Variants in CHST8 observed in about 807,000 individuals in gnomAD.
CHST8 encodes the protein GALNAC-4-ST1.
A neutral mutation model predicts 15.0 loss-of-function variants in CHST8; 10 were observed. The observed-to-expected ratio is 0.67, with a 90% confidence interval of 0.41 to 1.13. CHST8 has a LOEUF of 1.13. Among genes scored for constraint, CHST8 ranks in the 50% most tolerant of loss-of-function variants. CHST8 has a pLI of 0.00. For missense variants in CHST8, 634 were observed against 608.2 expected (o/e 1.04, Z -0.45); for synonymous variants, 259 against 256.6 (o/e 1.01, Z -0.09).
intron 3 of CHST8, among the ~76,000 whole-genome samples, chr19:33,748,963 C>T (rs1974363128): frequency 6.6e-6 from 1 of 152,118 alleles, no homozygotes; most frequent in African/African-American, 2.4e-5. Flanking sequence ...TGGGAAGCTC[C>T]CACCCAACAG....
At position 33,772,747 on chromosome 19, in the gene CHST8, G is replaced by T; in HGVS notation, c.959G>T (p.Arg320Leu). 6.2e-7 allele frequency: 1 copy of T among 1,613,404 alleles called. No homozygotes were observed. Among genetic ancestry groups the T allele is most frequent in the Non-Finnish European group, 8.5e-7 (1 of 1,180,018 alleles). ...GTCCAGTACCTGCTGGACGTGCACCGGCCCGTGGGGATGGACATTCACTGG... is the reference window on the plus strand; with the variant it reads ...GTCCAGTACCTGCTGGACGTGCACCTGCCCGTGGGGATGGACATTCACTGG... Reference protein sequence around the residue: ...EFVQYLLDVHRPVGMDIHWDH... With the variant: ...EFVQYLLDVHLPVGMDIHWDH... Residue 320 changes from arginine (R) to leucine (L), a missense_variant, in exon 5 of 5, where the codon CGG becomes CTG. Coordinates refer to ENST00000650847, the MANE Select transcript of CHST8 (RefSeq NM_001127895.2).
intron 2 of CHST8, among the ~76,000 whole-genome samples, chr19:33,687,144 G>A (rs982362600): frequency 1.5e-4 from 23 of 152,256 alleles, no homozygotes; most frequent in African/African-American, 5.1e-4. Flanking sequence ...GGCTGGCCCC[G>A]GTGGGGCTGG....
chr19:33,756,085 G>A (rs116888426), intron 3 of CHST8, among the ~76,000 whole-genome samples: 3,230 of 152,288 alleles, frequency 0.021, 54 homozygotes, highest in East Asian at 0.028. Flanking sequence ...CACCCCCAAA[G>A]TGCTGGAGAG....
Position 33,757,412 on chromosome 19 carries a change from AAGAAAGAAAG to A in CHST8, c.131-13999_131-13990del, listed in dbSNP as rs1974574052. Among the ~76,000 whole-genome samples, 2 of 6,868 alleles carry A rather than the reference AAGAAAGAAAG, an allele frequency of 2.9e-4. 1 individual carries two copies. Among genetic ancestry groups the A allele is most frequent in the Non-Finnish European group, 6.7e-4 (2 of 3,002 alleles). The allele number at this position is 6,868 out of a possible 152,430, so 4.5% of individuals were successfully genotyped here. ...GAAGAAAGAAAGAAAGAAAGAAAGA[AAGAAAGAAAG>A]AAAGAAAGAAAGAAAGAAAGAAAGA... On this transcript the variant is annotated intron_variant, in intron 3 of 4. Coordinates refer to ENST00000650847, the MANE Select transcript of CHST8 (RefSeq NM_001127895.2).
chr19:33,689,610 G>A (rs1012442888), intron 3 of CHST8, among the ~76,000 whole-genome samples: 1 of 152,262 alleles, frequency 6.6e-6, no homozygotes, highest in Admixed American at 6.5e-5. Flanking sequence ...TAGCAGCAGG[G>A]TGGCCCCTTT....
chr19:33,634,396 C>T (rs748185138), intron 1 of CHST8, among the ~76,000 whole-genome samples: 7 of 152,112 alleles, frequency 4.6e-5, no homozygotes, highest in Non-Finnish European at 8.8e-5. Context: ...CCTTTCGTCC[C>T]CAAATTGTAG....
chr19:33,671,766 A>G (rs1171653370), intron 2 of CHST8, among the ~76,000 whole-genome samples: 1 of 151,694 alleles, frequency 6.6e-6, no homozygotes, highest in Non-Finnish European at 1.5e-5. Context: ...AAGGTTATAT[A>G]TAATCTGCCT....
At chr19:33,699,123 C>T (rs1973280723) in intron 3 of CHST8, among the ~76,000 whole-genome samples, 1 of 152,196 alleles carries the variant, frequency 6.6e-6, no homozygotes, top group African/African-American at 2.4e-5. Context: ...ATGGGACCTC[C>T]ATGCCTGGGT....
intron 3 of CHST8, among the ~76,000 whole-genome samples, chr19:33,739,265 C>A (rs374872496): frequency 2.0e-5 from 3 of 152,136 alleles, no homozygotes; most frequent in Non-Finnish European, 2.9e-5. Flanking sequence ...CCTCTCTCCC[C>A]CCTCCTCCAC....
At chr19:33,726,703 C>T (rs1264510117) in intron 3 of CHST8, among the ~76,000 whole-genome samples, 3 of 152,118 alleles carry the variant, frequency 2.0e-5, no homozygotes. Context: ...CAGTGCTGAA[C>T]TCCAGACATG....
chr19:33,765,315 C>T (rs1219851503), intron 3 of CHST8, among the ~76,000 whole-genome samples: 2 of 151,906 alleles, frequency 1.3e-5, no homozygotes, highest in Non-Finnish European at 2.9e-5. Context: ...GGGAGTGTGA[C>T]CCTGCTGGCA....
Position 33,695,825 on chromosome 19 carries a change from T to C in CHST8, c.130+6434T>C, listed in dbSNP as rs199942644. Among the ~76,000 whole-genome samples the C allele has an allele frequency of 3.7e-3, 281 of 75,870 alleles. 3 individuals carry two copies. The highest frequency in any genetic ancestry group is 0.028 in the East Asian group (77 of 2,704). The allele number at this position is 75,870 out of a possible 152,430, so 49.8% of individuals were successfully genotyped here. A position where few individuals can be genotyped will look rare whatever the true frequency, so the allele number is the denominator to read the frequency against. On this transcript the variant is annotated intron_variant, in intron 3 of 4. Transcript: ENST00000650847. ...TTTTTCTTTCTTTCTTTCTTTCTTT[T>C]TTTTTTTTTTTTTTTTTGAGACAGA...
At chr19:33,646,651 C>T (rs141575826) in intron 1 of CHST8, among the ~76,000 whole-genome samples, 53 of 152,314 alleles carry the variant, frequency 3.5e-4, no homozygotes, top group Non-Finnish European at 6.2e-4. Flanking sequence ...CAGTGGCTCA[C>T]GCCTGTTATC....
chr19:33,637,099 G>A (rs573080752), intron 1 of CHST8, among the ~76,000 whole-genome samples: 103 of 152,306 alleles, frequency 6.8e-4, no homozygotes, highest in African/African-American at 2.4e-3. Context: ...CTGTCATGGT[G>A]CTTGCGGGAT....
intron 2 of CHST8, among the ~76,000 whole-genome samples, chr19:33,669,334 AATG>A (rs777845110): frequency 5.7e-4 from 87 of 152,286 alleles, no homozygotes; most frequent in Non-Finnish European, 3.7e-4. Flanking sequence ...TGTAGCTGAA[AATG>A]ATACTTGCAG....
chr19:33,713,218 G>T (rs934158245), intron 3 of CHST8, among the ~76,000 whole-genome samples: 1 of 152,170 alleles, frequency 6.6e-6, no homozygotes, highest in African/African-American at 2.4e-5. Context: ...TGCAGGTGAA[G>T]TTCACCTGCT....
chr19:33,749,060 G>T (rs994676577), intron 3 of CHST8, among the ~76,000 whole-genome samples: 32 of 152,148 alleles, frequency 2.1e-4, no homozygotes, highest in Non-Finnish European at 4.7e-4. Flanking sequence ...AGCAAGGGGG[G>T]CCCCCAGCAG....
chr19:33,714,515 C>T (rs143960221), intron 3 of CHST8, among the ~76,000 whole-genome samples: 36 of 152,088 alleles, frequency 2.4e-4, no homozygotes, highest in Non-Finnish European at 3.5e-4. Context: ...AAGAGGGGCA[C>T]GGGGGAGGAA....
intron 3 of CHST8, among the ~76,000 whole-genome samples, chr19:33,738,641 G>A (rs866429380): frequency 2.6e-5 from 4 of 152,118 alleles, no homozygotes; most frequent in African/African-American, 9.7e-5. Context: ...CCAGGCTGGA[G>A]TGCAGTGGTA....
Sources: gnomAD v4.1 joint callset for allele counts (sites outside exome capture counted in the v4.1 genomes callset) on GRCh38, gnomAD v4.1.1 for gene constraint, MANE v1.5 for transcripts, NCBI Gene and HGNC (gene_info 2026-07-23, HGNC 2026-07-21) for gene names.